ATCAY: variants seen among roughly 807,000 people sequenced by gnomAD.
The protein encoded by ATCAY is ATCAY kinesin light chain interacting caytaxin.
A neutral mutation model predicts 47.7 loss-of-function variants in ATCAY; 22 were observed. The observed-to-expected ratio is 0.46, with a 90% CI of 0.33 to 0.66. The LOEUF is 0.66. Ranked by LOEUF, ATCAY falls within the 30% of genes least tolerant of loss-of-function variation. ATCAY has a pLI of 0.02. For synonymous variants in ATCAY, 216 were observed against 207.6 expected (o/e 1.04, Z -0.35); for missense variants, 452 against 515.0 (o/e 0.88, Z 1.18).
In ATCAY at chr19:3,927,821, G is replaced by C. The variant is rs1380177955; in HGVS notation, c.*3229G>C. 1 of 152,290 alleles carries C rather than the reference G, an allele frequency of 6.6e-6. No individual in the cohort carries two copies. The highest frequency in any genetic ancestry group is 2.4e-5 in the African/African-American group (1 of 41,448). 9.4% of individuals were successfully genotyped at this position (152,290 alleles called of 1,614,324 possible). A position where few individuals can be genotyped will look rare whatever the true frequency, so the allele number is the denominator to read the frequency against. On this transcript the variant is annotated 3_prime_UTR_variant, in exon 13 of 13. Transcript: ENST00000450849. ...CTTTGAGATGGATTTGTATCAGGGTGGGGGGTGTGGTTTGGCCAAAATGCA... is the reference window on the plus strand; with the variant it reads ...CTTTGAGATGGATTTGTATCAGGGTCGGGGGTGTGGTTTGGCCAAAATGCA...
chr19:3,900,865 A>G (rs1418912687), intron 2 of ATCAY, among the ~76,000 whole-genome samples: 1 of 140,044 alleles, frequency 7.1e-6, no homozygotes, highest in Non-Finnish European at 1.5e-5. Flanking sequence ...TGACATCACT[A>G]TACACAGCCT....
chr19:3,913,965 G>C, intron 9 of ATCAY, 109 bp downstream of exon 9: 2 of 924,586 alleles, frequency 2.2e-6, no homozygotes, highest in Non-Finnish European at 3.3e-6. Flanking sequence ...GGCCGGGCGC[G>C]GTGGCTCCTG....
chr19:3,908,601 T>G (rs2038887863), intron 6 of ATCAY, among the ~76,000 whole-genome samples: 1 of 141,772 alleles, frequency 7.1e-6, no homozygotes. Context: ...CTCCTCTTCC[T>G]CCTCCTTCCC....
In ATCAY at chr19:3,927,437, G is replaced by A. The variant is rs987661172; in HGVS notation, c.*2845G>A. Reference sequence around the variant, plus strand: ...GCTTCCAAGTCACAGACAGGAGACGGGGACAGGAAAGAACTCATTCCACCC... The same window carrying A: ...GCTTCCAAGTCACAGACAGGAGACGAGGACAGGAAAGAACTCATTCCACCC... On this transcript the variant is annotated 3_prime_UTR_variant, in exon 13 of 13. Coordinates refer to ENST00000450849, the MANE Select transcript of ATCAY (RefSeq NM_033064.5). 3 of 152,240 alleles carry A rather than the reference G, an allele frequency of 2.0e-5. No homozygotes were observed. Among genetic ancestry groups the A allele is most frequent in the Admixed American group, 2.0e-4 (3 of 15,262 alleles). The allele number at this position is 152,240 out of a possible 1,614,324, so 9.4% of individuals were successfully genotyped here.
chr19:3,901,945 G>A (rs544365189), intron 2 of ATCAY, among the ~76,000 whole-genome samples: 43 of 152,148 alleles, frequency 2.8e-4, no homozygotes, highest in South Asian at 1.0e-3. Context: ...GCCGTGAGCC[G>A]AGATCATGCC....
At chr19:3,891,086 G>A (rs930945089) in intron 2 of ATCAY, among the ~76,000 whole-genome samples, 3 of 148,582 alleles carry the variant, frequency 2.0e-5, no homozygotes, top group Non-Finnish European at 4.5e-5. Context: ...GAGTCTCAGT[G>A]TATCACCCAG....
chr19:3,912,969 G>A (rs1011334264), intron 8 of ATCAY, among the ~76,000 whole-genome samples: 5 of 151,410 alleles, frequency 3.3e-5, no homozygotes, highest in Admixed American at 1.3e-4. Context: ...AGGGAAAGAA[G>A]GGAAAGAACC....
At chr19:3,887,255 C>T (rs939808401) in intron 2 of ATCAY, among the ~76,000 whole-genome samples, 5 of 151,100 alleles carry the variant, frequency 3.3e-5, no homozygotes, top group African/African-American at 9.7e-5. Context: ...CTCAAGAGTT[C>T]GAAACCAGCC....
chr19:3,921,548 C>T (rs1191313093), intron 12 of ATCAY, among the ~76,000 whole-genome samples: 1 of 152,156 alleles, frequency 6.6e-6, no homozygotes, highest in Non-Finnish European at 1.5e-5. Flanking sequence ...AGCTGTCATA[C>T]TCACAGTTAT....
Position 3,907,784 on chromosome 19 carries a change from C to G in ATCAY, c.409C>G (p.Leu137Val), listed in dbSNP as rs1337930868. 1.9e-6 allele frequency: 3 copies of G among 1,614,046 alleles called. No homozygotes were observed. The highest frequency in any genetic ancestry group is 3.3e-5 in the Admixed American group (2 of 60,022). The part of the protein sequence containing the change: ...AKNMPGDSAD[L>V]FGDGTTEDGS... The stretch of plus-strand genomic sequence containing the variant: ...GAACATGCCCGGGGACAGCGCGGAT[C>G]TATTTGGGGACGGCACGACGGAGGA... The change falls in exon 5 of 13, where the codon CTA (leucine) becomes GTA (valine). Residue 137 changes from leucine (L) to valine (V), a missense_variant. Transcript: ENST00000450849. The surrounding 1 kb of genome is among the most constrained non-coding windows in gnomAD (Gnocchi z 5.1).
At chr19:3,905,915 G>C (rs1177066315) in intron 4 of ATCAY, among the ~76,000 whole-genome samples, 1 of 152,032 alleles carries the variant, frequency 6.6e-6, no homozygotes, top group African/African-American at 2.4e-5. Flanking sequence ...GCTCATGCCT[G>C]TAATCCTAGC....
At chr19:3,919,773 T>C (rs960713161) in intron 11 of ATCAY, among the ~76,000 whole-genome samples, 24 of 149,972 alleles carry the variant, frequency 1.6e-4, no homozygotes, top group Non-Finnish European at 2.7e-4. Flanking sequence ...AAAAAAGTTA[T>C]CATGATGTTC....
At chr19:3,920,645 GA>G in intron 11 of ATCAY, 120 bp from the exon 12 acceptor site, 1 of 831,562 alleles carries the variant, frequency 1.2e-6, no homozygotes, top group Non-Finnish European at 1.6e-6. Context: ...ACCCAGCCAA[GA>G]CCCTGTATCT....
rs2039058862 is a variant in ATCAY at position 3,925,500 on chromosome 19, A to T, written c.*908A>T. On this transcript the variant is annotated 3_prime_UTR_variant, in exon 13 of 13. Coordinates refer to ENST00000450849, the MANE Select transcript of ATCAY (RefSeq NM_033064.5). The surrounding 1 kb of genome is among the most constrained non-coding windows in gnomAD (Gnocchi z 4.4). Reference sequence around the variant, plus strand: ...ACCTAGCAAGAGGAAGATACAGGGTATCGGGCGTTTGAGTGTTTCAGAAGT... The same window carrying T: ...ACCTAGCAAGAGGAAGATACAGGGTTTCGGGCGTTTGAGTGTTTCAGAAGT... The T allele has an allele frequency of 6.6e-6, 1 of 152,242 alleles. No homozygotes were observed. Among genetic ancestry groups the T allele is most frequent in the African/African-American group, 2.4e-5 (1 of 41,478 alleles). The allele number at this position is 152,242 out of a possible 1,614,324, so 9.4% of individuals were successfully genotyped here.
intron 5 of ATCAY, among the ~76,000 whole-genome samples, 151 bp downstream of exon 5, chr19:3,908,070 G>A (rs897864056): frequency 6.6e-6 from 1 of 152,198 alleles, no homozygotes; most frequent in Non-Finnish European, 1.5e-5. Flanking sequence ...GCATGGTCAG[G>A]GAGGCGCACT....
At position 3,908,693 on chromosome 19, in the gene ATCAY, C is replaced by T. The variant is rs1448342402; in HGVS notation, c.647+323C>T. Among the ~76,000 whole-genome samples the T allele has an allele frequency of 6.6e-5, 4 of 61,012 alleles. No homozygotes were observed. The Admixed American group carries it at 6.6e-4, about 10-fold the overall frequency. 40.0% of individuals were successfully genotyped at this position (61,012 alleles called of 152,430 possible). A position where few individuals can be genotyped will look rare whatever the true frequency, so the allele number is the denominator to read the frequency against. The stretch of plus-strand genomic sequence containing the variant: ...TCCTCCTTCTCCTCCCCTTCTTCCT[C>T]CCCCCTCCTCCTCCCTTTTCTCCTC... On this transcript the variant is annotated intron_variant, in intron 6 of 12. Transcript: ENST00000450849.
rs2039083959 is a variant in ATCAY, at chr19:3,928,052, TTA to T, written c.*3462_*3463del. The T allele has an allele frequency of 1.3e-5, 2 of 152,112 alleles. No homozygotes were observed. The highest frequency in any genetic ancestry group is 4.8e-5 in the African/African-American group (2 of 41,408). 9.4% of individuals were successfully genotyped at this position (152,112 alleles called of 1,614,324 possible). A position where few individuals can be genotyped will look rare whatever the true frequency, so the allele number is the denominator to read the frequency against. On this transcript the variant is annotated 3_prime_UTR_variant, in exon 13 of 13. Transcript: ENST00000450849. ...GTCTCCATGAGCTTTGGGGGGACTT[TTA>T]TGTGGAATAAAGAAACTATCACTGA...
chr19:3,892,908 CA>C (rs59366505), intron 2 of ATCAY, among the ~76,000 whole-genome samples: 24,190 of 148,040 alleles, frequency 0.16, 2,000 homozygotes, highest in South Asian at 0.22. Flanking sequence ...ACTCTGTCTC[CA>C]AAAAAAAAAA....
Position 3,924,735 on chromosome 19 carries a change from G to A in ATCAY, c.*143G>A, listed in dbSNP as rs537298270. 5.0e-6 allele frequency: 4 copies of A among 792,708 alleles called. No individual in the cohort carries two copies. The South Asian group carries it at 7.0e-5, about 14-fold the overall frequency. The allele number at this position is 792,708 out of a possible 1,614,324, so 49.1% of individuals were successfully genotyped here. On this transcript the variant is annotated 3_prime_UTR_variant, in exon 13 of 13. Transcript: ENST00000450849. The stretch of plus-strand genomic sequence containing the variant: ...GGTGCCAGCCCCTCCGTTCATCTCT[G>A]AAACCCAGCATCCTTTTCAGCTGCT...
Sources: gnomAD v4.1 joint callset for allele counts (sites outside exome capture counted in the v4.1 genomes callset) on GRCh38, gnomAD v4.1.1 for gene constraint, Gnocchi (gnomAD v3.1) non-coding constraint, MANE v1.5 for transcripts, NCBI Gene and HGNC (gene_info 2026-07-23, HGNC 2026-07-21) for gene names.